GRM5: variants seen among roughly 807,000 people sequenced by gnomAD.
GRM5 encodes the protein glutamate metabotropic receptor 5.
Under a neutral mutation model 83.1 loss-of-function variants are expected in GRM5, and 19 were observed. The observed-to-expected ratio is 0.23, with a 90% CI of 0.16 to 0.34. The LOEUF is 0.34. Among genes scored for constraint, GRM5 ranks in the 10% least tolerant of loss-of-function variants. The probability of loss-of-function intolerance (pLI) is 1.00; values close to 1 mark genes in which losing one functional copy is unlikely to be tolerated. For missense variants in GRM5, 1,160 were observed against 1,588.3 expected, an observed-to-expected ratio of 0.73 and a Z score of 4.58; for synonymous variants, 675 against 633.6, an observed-to-expected ratio of 1.07 and a Z score of -0.98.
At chr11:88,736,182 T>C (rs1464198891) in intron 3 of GRM5, among the ~76,000 whole-genome samples, 16 of 152,180 alleles carry the variant, frequency 1.1e-4, no homozygotes, top group African/African-American at 3.9e-4. Context: ...TTACAAAATA[T>C]AAGGTCAGCC....
In GRM5 at chr11:88,506,374, A is replaced by G. The variant is rs1018562796; in HGVS notation, c.*2218T>C. ...TAAAACAAATTTTAAAATGTAGAGC[A>G]TATCAAGAAAGGTTTTTAATACCTA... On this transcript the variant is annotated 3_prime_UTR_variant, in exon 10 of 10. Coordinates refer to ENST00000305447, the MANE Select transcript of GRM5 (RefSeq NM_001143831.3). 6.6e-6 allele frequency: 1 copy of G among 152,234 alleles called. No individual in the cohort carries two copies. Among genetic ancestry groups the G allele is most frequent in the Non-Finnish European group, 1.5e-5 (1 of 68,026 alleles). 9.4% of individuals were successfully genotyped at this position (152,234 alleles called of 1,614,324 possible).
Position 88,597,321 on chromosome 11 carries a change from T to C in GRM5, c.1426A>G (p.Lys476Glu), listed in dbSNP as rs754233039. 1.3e-6 allele frequency: 2 copies of C among 1,547,006 alleles called. No individual in the cohort carries two copies. Among genetic ancestry groups the C allele is most frequent in the Admixed American group, 1.7e-5 (1 of 58,434 alleles). ...YEIMNFKEMG[K>E]DYFDYINVGS... ...ACGTTGATATAATCAAAGTAATCTT[T>C]TCCCATTTCCTTGAAATTCATTATT... Residue 476 changes from lysine to glutamate, a missense_variant, in exon 6 of 10, where the codon AAA (lysine) becomes GAA (glutamate). Coordinates refer to ENST00000305447, the MANE Select transcript of GRM5 (RefSeq NM_001143831.3).
intron 2 of GRM5, among the ~76,000 whole-genome samples, chr11:89,031,625 T>C (rs142851471): frequency 0.012 from 1,810 of 152,110 alleles, 79 homozygotes; most frequent in Admixed American, 0.083. Flanking sequence ...ATATTATGTA[T>C]ATAGCTGCTT....
At chr11:88,717,349 T>C (rs1484587714) in intron 3 of GRM5, among the ~76,000 whole-genome samples, 1 of 151,972 alleles carries the variant, frequency 6.6e-6, no homozygotes, top group Non-Finnish European at 1.5e-5. Flanking sequence ...TTAATGATCA[T>C]AGTGGCTAAC....
intron 3 of GRM5, among the ~76,000 whole-genome samples, chr11:88,728,883 TAA>T (rs1941742871): frequency 6.6e-6 from 1 of 151,988 alleles, no homozygotes; most frequent in Admixed American, 6.6e-5. Context: ...CTCAAAATAA[TAA>T]GTTATTTATG....
intron 2 of GRM5, among the ~76,000 whole-genome samples, chr11:89,019,520 C>G (rs554852769): frequency 1.3e-5 from 2 of 151,326 alleles, no homozygotes; most frequent in South Asian, 2.1e-4. Context: ...TGTGATGAAA[C>G]CCCATCACTA....
At chr11:88,738,381 T>A (rs912056396) in intron 3 of GRM5, among the ~76,000 whole-genome samples, 1 of 152,070 alleles carries the variant, frequency 6.6e-6, no homozygotes, top group Non-Finnish European at 1.5e-5. Context: ...AATTTTGTTA[T>A]AATTAAATAT....
chr11:88,618,950 T>C (rs1315425025), intron 4 of GRM5, among the ~76,000 whole-genome samples: 1 of 152,200 alleles, frequency 6.6e-6, no homozygotes, highest in Admixed American at 6.5e-5. Flanking sequence ...CACAGCAGCA[T>C]GTAGAGAGGA....
chr11:88,527,935 G>A (rs1043044506), intron 8 of GRM5, among the ~76,000 whole-genome samples: 2 of 152,008 alleles, frequency 1.3e-5, no homozygotes, highest in East Asian at 1.9e-4. Context: ...CCTCCATGAG[G>A]GTGGAGGGTG....
intron 3 of GRM5, among the ~76,000 whole-genome samples, chr11:88,802,051 T>A (rs1029599956): frequency 2.6e-5 from 4 of 152,108 alleles, no homozygotes; most frequent in African/African-American, 9.7e-5. Flanking sequence ...TTAGAATATC[T>A]CTTTTAAGTT....
Position 88,546,759 on chromosome 11 carries a change from A to T in GRM5, c.2630+20294T>A, listed in dbSNP as rs150696990. Among the ~76,000 whole-genome samples the T allele has an allele frequency of 6.1e-3, 929 of 152,230 alleles. 7 individuals carry two copies. The highest frequency in any genetic ancestry group is 9.5e-3 in the Non-Finnish European group (647 of 68,006). On this transcript the variant is annotated intron_variant, in intron 8 of 9. Transcript: ENST00000305447. ...ATGTAAATGAATTTCTGTAAATTCA[A>T]TGAATTTACTTTGTAGAAACAGCAA...
intron 4 of GRM5, among the ~76,000 whole-genome samples, chr11:88,630,037 T>G (rs1938919556): frequency 6.6e-6 from 1 of 152,178 alleles, no homozygotes; most frequent in Non-Finnish European, 1.5e-5. Flanking sequence ...CTCTCCAGGC[T>G]TTATTCCTGT....
intron 4 of GRM5, among the ~76,000 whole-genome samples, chr11:88,605,922 G>C (rs1368490166): frequency 2.0e-5 from 3 of 152,154 alleles, no homozygotes; most frequent in Admixed American, 6.5e-5. Context: ...CATTTACTTA[G>C]AGTCTAAGGG....
At chr11:88,659,911 ATATATGT>A (rs1939861057) in intron 3 of GRM5, among the ~76,000 whole-genome samples, 1 of 152,234 alleles carries the variant, frequency 6.6e-6, no homozygotes, top group African/African-American at 2.4e-5. Context: ...TTTCCTATCC[ATATATGT>A]TATAAGTTAT....
intron 8 of GRM5, among the ~76,000 whole-genome samples, chr11:88,538,578 GAGAT>G (rs1942189798): frequency 1.3e-5 from 2 of 152,290 alleles, no homozygotes; most frequent in South Asian, 2.1e-4. Context: ...TTTCTAAAGA[GAGAT>G]AGGTAGTTTT....
At chr11:88,744,697 A>C (rs886484993) in intron 3 of GRM5, among the ~76,000 whole-genome samples, 2 of 152,176 alleles carry the variant, frequency 1.3e-5, no homozygotes, top group African/African-American at 4.8e-5. Flanking sequence ...AAGAAAATAA[A>C]GGTGGCTCAT....
At chr11:88,613,949 C>T (rs1207050372) in intron 4 of GRM5, among the ~76,000 whole-genome samples, 1 of 152,122 alleles carries the variant, frequency 6.6e-6, no homozygotes, top group Non-Finnish European at 1.5e-5. Flanking sequence ...CTACCTTTCC[C>T]TATTTAACAT....
At chr11:88,525,202 T>G (rs1412676488) in intron 9 of GRM5, 107 bp downstream of exon 9, 2 of 722,584 alleles carry the variant, frequency 2.8e-6, no homozygotes, top group Non-Finnish European at 5.0e-6. Context: ...TTGGACACAC[T>G]GTATGAGTTG....
chr11:88,920,022 C>G (rs1295599939), intron 2 of GRM5, among the ~76,000 whole-genome samples: 2 of 151,838 alleles, frequency 1.3e-5, no homozygotes, highest in Non-Finnish European at 2.9e-5. Context: ...CACACTCAAA[C>G]TTGGTAGAAA....
Sources: gnomAD v4.1 joint callset for allele counts (sites outside exome capture counted in the v4.1 genomes callset) on GRCh38, gnomAD v4.1.1 for gene constraint, MANE v1.5 for transcripts, NCBI Gene and HGNC (gene_info 2026-07-23, HGNC 2026-07-21) for gene names.